Variants in CAST observed in about 807,000 individuals in gnomAD.
CAST encodes the protein MIR583 host.
Under a neutral mutation model 119.6 loss-of-function variants are expected in CAST, and 76 were observed. That is an observed-to-expected ratio of 0.64 (90% CI 0.53 to 0.77). CAST has a LOEUF of 0.77. CAST is among the 30% of genes least tolerant of loss of function. CAST has a pLI of 0.00. For missense variants in CAST, 953 were observed against 946.5 expected, an observed-to-expected ratio of 1.01 and a Z score of -0.09; for synonymous variants, 319 against 331.6, an observed-to-expected ratio of 0.96 and a Z score of 0.41.
At chr5:96,690,901 A>T (rs1752646825) in intron 2 of CAST, among the ~76,000 whole-genome samples, 2 of 152,222 alleles carry the variant, frequency 1.3e-5, no homozygotes, top group Admixed American at 1.3e-4. Flanking sequence ...TTCTTAACAA[A>T]TATGTCAAAA....
At chr5:96,455,641 C>T in the CAST span, among the ~76,000 whole-genome samples, 1 of 152,220 alleles carries the variant, frequency 6.6e-6, no homozygotes, top group Admixed American at 6.5e-5. Flanking sequence ...CAATCCCGAG[C>T]TCTGTCCACG....
chr5:96,555,292 A>T (rs1376755543), intron 1 of CAST, among the ~76,000 whole-genome samples: 1 of 152,222 alleles, frequency 6.6e-6, no homozygotes, highest in Non-Finnish European at 1.5e-5. Context: ...TACAGCTCCC[A>T]GCATGAGCGA....
chr5:96,154,405 A>T, the CAST span, among the ~76,000 whole-genome samples: 2 of 152,198 alleles, frequency 1.3e-5, no homozygotes, highest in African/African-American at 4.8e-5. Flanking sequence ...ACTGTTTTAC[A>T]TTTATAGGAA....
chr5:96,506,104 A>C, the CAST span, among the ~76,000 whole-genome samples: 1 of 152,202 alleles, frequency 6.6e-6, no homozygotes, highest in African/African-American at 2.4e-5. Flanking sequence ...GGTAGCTGTG[A>C]GGATGAAGTG....
chr5:96,634,880 G>T (rs1747867011), intron 1 of CAST, among the ~76,000 whole-genome samples: 1 of 152,242 alleles, frequency 6.6e-6, no homozygotes, highest in South Asian at 2.1e-4. Context: ...CGATTTGGGA[G>T]ATTCAGAAGA....
intron 3 of CAST, 85 bp from the exon 4 acceptor site, chr5:96,722,554 G>T: frequency 2.0e-6 from 2 of 1,004,076 alleles, no homozygotes; most frequent in Admixed American, 3.5e-5. Flanking sequence ...AGGGCCAAGG[G>T]CAGTATGGTT....
intron 1 of CAST, among the ~76,000 whole-genome samples, chr5:96,619,579 C>T (rs1002900960): frequency 2.0e-5 from 3 of 152,210 alleles, no homozygotes; most frequent in African/African-American, 4.8e-5. Flanking sequence ...CTTGCTGTTC[C>T]TCACTGTTTG....
At chr5:96,487,947 A>T in the CAST span, among the ~76,000 whole-genome samples, 1 of 152,224 alleles carries the variant, frequency 6.6e-6, no homozygotes, top group African/African-American at 2.4e-5. Flanking sequence ...TTTCTCCAGC[A>T]TTCCACTAAC....
chr5:96,349,295 A>T, the CAST span, among the ~76,000 whole-genome samples: 1 of 151,902 alleles, frequency 6.6e-6, no homozygotes, highest in Non-Finnish European at 1.5e-5. Flanking sequence ...GCTTTTAAGA[A>T]TATATTCATG....
At chr5:95,996,617 T>A in the CAST span, among the ~76,000 whole-genome samples, 1 of 152,300 alleles carries the variant, frequency 6.6e-6, no homozygotes, top group South Asian at 2.1e-4. Context: ...ATTATACAAG[T>A]GTAACACTTG....
the CAST span, among the ~76,000 whole-genome samples, chr5:96,045,667 A>T: frequency 2.1e-4 from 32 of 152,284 alleles, no homozygotes; most frequent in South Asian, 6.6e-3. Flanking sequence ...TTGCAACCCT[A>T]TGAGGCAGAT....
intron 1 of CAST, among the ~76,000 whole-genome samples, chr5:96,626,652 C>G (rs1368416607): frequency 6.6e-6 from 1 of 152,196 alleles, no homozygotes; most frequent in Non-Finnish European, 1.5e-5. Flanking sequence ...TCTCCCTAAC[C>G]ACTTTCCACA....
At chr5:96,700,790 T>G (rs1753780164) in intron 3 of CAST, among the ~76,000 whole-genome samples, 1 of 152,098 alleles carries the variant, frequency 6.6e-6, no homozygotes, top group Non-Finnish European at 1.5e-5. Flanking sequence ...TGCAGATGAT[T>G]TGAGAACCAC....
the CAST span, among the ~76,000 whole-genome samples, chr5:96,505,498 A>G: frequency 6.6e-6 from 1 of 152,156 alleles, no homozygotes; most frequent in Non-Finnish European, 1.5e-5. Flanking sequence ...AATAAAAATA[A>G]ATAAAATCTA....
At chr5:96,679,952 T>C (rs898547280) in intron 2 of CAST, among the ~76,000 whole-genome samples, 2 of 152,208 alleles carry the variant, frequency 1.3e-5, no homozygotes, top group African/African-American at 4.8e-5. Context: ...TAATGTCATG[T>C]ATTTATAATT....
At chr5:96,702,645 G>A (rs1424954167) in intron 3 of CAST, 6 of 421,958 alleles carry the variant, frequency 1.4e-5, no homozygotes, top group Middle Eastern at 2.4e-3. Flanking sequence ...CACAGGCTGC[G>A]TTATTGAGTG....
chr5:96,425,712 A>G, the CAST span: 4 of 692,158 alleles, frequency 5.8e-6, no homozygotes, highest in Middle Eastern at 2.3e-4. Flanking sequence ...ATAGCTCCCT[A>G]TGAAATTCTC....
At chr5:96,231,043 T>G in the CAST span, among the ~76,000 whole-genome samples, 3 of 152,136 alleles carry the variant, frequency 2.0e-5, no homozygotes, top group Admixed American at 1.3e-4. Context: ...GGAAAAAGTA[T>G]GGTACAGTCA....
chr5:96,029,639 T>C, the CAST span, among the ~76,000 whole-genome samples: 1 of 152,156 alleles, frequency 6.6e-6, no homozygotes, highest in East Asian at 1.9e-4. Flanking sequence ...AACATCTTAC[T>C]CTTTTTTTTC....
Sources: gnomAD v4.1 joint callset for allele counts (sites outside exome capture counted in the v4.1 genomes callset) on GRCh38, gnomAD v4.1.1 for gene constraint, MANE v1.5 for transcripts, NCBI Gene and HGNC (gene_info 2026-07-23, HGNC 2026-07-21) for gene names.